The following NUP205 variants were observed in gnomAD, a reference collection of about 807,000 sequenced individuals.
The protein encoded by NUP205 is nuclear pore complex protein Nup205.
In NUP205, 76 loss-of-function variants were observed where a neutral mutation model predicts 253.8. That is an observed-to-expected ratio of 0.30 (90% CI 0.25 to 0.36). NUP205 has a LOEUF of 0.36. Among genes scored for constraint, NUP205 ranks in the 10% least tolerant of loss-of-function variants. NUP205 has a pLI of 1.00. For synonymous variants in NUP205, 832 were observed against 850.1 expected (o/e 0.98, Z 0.37); for missense variants, 2,162 against 2,425.5 (o/e 0.89, Z 2.28).
Position 135,627,995 on chromosome 7 carries a change from C to T in NUP205, c.4816C>T (p.Pro1606Ser). Residue 1606 changes from proline (P) to serine (S), a missense_variant, in exon 34 of 43, where the codon CCA becomes TCA. Around this residue, in one of 5 missense-constraint regions of NUP205, gnomAD observed 1,144 missense variants for 1,280.9 expected, o/e 0.89. Transcript: ENST00000285968. ...AAGCATGTTTGGCATGAGAGACCCT[C>T]CAATGTTCATCCCTACCCCAGTGGA... ...PQSMFGMRDP[P>S]MFIPTPVDRY... 6.2e-7 allele frequency: 1 copy of T among 1,612,386 alleles called. No homozygotes were observed. Among genetic ancestry groups the T allele is most frequent in the East Asian group, 2.2e-5 (1 of 44,840 alleles).
At chr7:135,616,092 G>C in intron 24 of NUP205, 27 bp downstream of exon 24, 1 of 1,594,038 alleles carries the variant, frequency 6.3e-7, no homozygotes, top group Admixed American at 1.7e-5. Flanking sequence ...GTTTTATTGT[G>C]CTGGTGACTA....
chr7:135,622,591 G>GT (rs1794497142), intron 30 of NUP205, among the ~76,000 whole-genome samples, 186 bp from the exon 31 acceptor site: 1 of 151,868 alleles, frequency 6.6e-6, no homozygotes, highest in South Asian at 2.1e-4. Flanking sequence ...GGTGCATTGT[G>GT]TTATTAGAGT....
At chr7:135,647,380 C>CA (rs1229277760) in intron 42 of NUP205, among the ~76,000 whole-genome samples, 1 of 152,252 alleles carries the variant, frequency 6.6e-6, no homozygotes, top group African/African-American at 2.4e-5. Flanking sequence ...ACCACGCTCC[C>CA]ATCCCAATCC....
chr7:135,558,358 G>C, intron 1 of NUP205: 1 of 273,776 alleles, frequency 3.7e-6, no homozygotes, highest in Admixed American at 4.4e-5. Flanking sequence ...TTCCAGCCAT[G>C]AGCAGAGGCT....
At chr7:135,606,682 G>C in intron 20 of NUP205, 69 bp from the exon 21 acceptor site, 2 of 1,242,592 alleles carry the variant, frequency 1.6e-6, no homozygotes, top group Non-Finnish European at 2.3e-6. Flanking sequence ...TACAAGTTTT[G>C]TATTTTTTAT....
chr7:135,645,662 G>GT (rs148753323), intron 41 of NUP205, 66 bp downstream of exon 41: 861 of 1,475,228 alleles, frequency 5.8e-4, no homozygotes, highest in Non-Finnish European at 6.3e-4. Flanking sequence ...GCTAGTACCA[G>GT]TTTTTTTTTA....
intron 28 of NUP205, 95 bp from the exon 29 acceptor site, chr7:135,619,328 C>T (rs531861901): frequency 9.8e-5 from 128 of 1,309,608 alleles, no homozygotes; most frequent in East Asian, 1.4e-4. Context: ...GGTGACAGAG[C>T]GAGACCCTGT....
Position 135,630,492 on chromosome 7 carries a change from G to C in NUP205, c.5059+22G>C, listed in dbSNP as rs750752737. 8 of 1,570,582 alleles carry C rather than the reference G, an allele frequency of 5.1e-6. No individual in the cohort carries two copies. In the Admixed American group the frequency reaches 1.6e-4, roughly 31 times the overall value. On this transcript the variant is annotated intron_variant, in intron 35 of 42. Transcript: ENST00000285968. ...CCTGGTGAGTTGATTATGTTGAAAG[G>C]ATTTTTAATAATTCTTTAAAGACTG...
chr7:135,560,558 G>A (rs890646286), intron 1 of NUP205, among the ~76,000 whole-genome samples: 3 of 152,190 alleles, frequency 2.0e-5, no homozygotes, highest in Non-Finnish European at 4.4e-5. Flanking sequence ...TAAAGGAAAT[G>A]TGTCATATAC....
At chr7:135,572,911 G>C (rs904600799) in intron 2 of NUP205, among the ~76,000 whole-genome samples, 4 of 149,284 alleles carry the variant, frequency 2.7e-5, no homozygotes, top group Non-Finnish European at 6.0e-5. Context: ...TTATAGGATT[G>C]TGTTACCAGA....
chr7:135,592,412 C>T (rs897308145), intron 11 of NUP205, among the ~76,000 whole-genome samples: 7 of 152,184 alleles, frequency 4.6e-5, no homozygotes, highest in Non-Finnish European at 7.4e-5. Flanking sequence ...AGTAGGTAAC[C>T]GACATCCAAA....
At chr7:135,582,748 C>T (rs560438204) in intron 7 of NUP205, among the ~76,000 whole-genome samples, 1 of 151,976 alleles carries the variant, frequency 6.6e-6, no homozygotes, top group South Asian at 2.1e-4. Context: ...GCATGAGCCA[C>T]CACACCTGGC....
chr7:135,558,702 A>T lies in NUP205; in HGVS notation c.28+730A>T, dbSNP rs1219669658. 3.9e-5 allele frequency among the ~76,000 whole-genome samples: 6 copies of T among 152,194 alleles called. No homozygotes were observed. The South Asian group carries it at 8.3e-4, about 21-fold the overall frequency. ...TTGATTGTCATATTTCCTGGGGTACACTGCTGTCGCATAGTAGGCGGGGCA... is the reference window on the plus strand; with the variant it reads ...TTGATTGTCATATTTCCTGGGGTACTCTGCTGTCGCATAGTAGGCGGGGCA... On this transcript the variant is annotated intron_variant, in intron 1 of 42. Transcript: ENST00000285968.
Position 135,622,913 on chromosome 7 carries a change from T to C in NUP205, c.4467T>C (p.His1489=). ...EVVCRDACDG[H]EIGRMLALAL... ...TCTGTCGAGATGCTTGTGATGGTCA[T>C]GAGATTGGAAGGGTAAAGCAACTCT... Residue 1489 remains histidine, a synonymous_variant, in exon 31 of 43, where the codon CAT becomes CAC. Transcript: ENST00000285968. 1 of 1,613,988 alleles carries C rather than the reference T, an allele frequency of 6.2e-7. No homozygotes were observed. The highest frequency in any genetic ancestry group is 8.5e-7 in the Non-Finnish European group (1 of 1,179,882).
intron 23 of NUP205, among the ~76,000 whole-genome samples, chr7:135,615,048 A>G (rs1458912574): frequency 6.6e-6 from 1 of 152,148 alleles, no homozygotes; most frequent in Admixed American, 6.5e-5. Flanking sequence ...TCTTATTTTT[A>G]GTTCTGGGAT....
In NUP205 at chr7:135,619,660, A is replaced by G. The variant is rs112801148; in HGVS notation, c.4201A>G (p.Lys1401Glu). 1 of 1,614,018 alleles carries G rather than the reference A, an allele frequency of 6.2e-7. No homozygotes were observed. Among genetic ancestry groups the G allele is most frequent in the Non-Finnish European group, 8.5e-7 (1 of 1,179,924 alleles). Residue 1401 changes from lysine (K) to glutamate (E), a missense_variant, in exon 29 of 43, where the codon AAG becomes GAG. Physicochemically the swap from Lys to Glu is moderately conservative, Grantham distance 56 (BLOSUM62 1). Coordinates refer to ENST00000285968, the MANE Select transcript of NUP205 (RefSeq NM_015135.3). ...AGATTCTTCACTTTACATCATATTG[A>G]AGAAACTGTTAGACTTCATTTTGAA... ...IGDSSLYIIL[K>E]KLLDFILKTG...
At chr7:135,564,476 C>T (rs1805690698) in intron 1 of NUP205, among the ~76,000 whole-genome samples, 1 of 151,700 alleles carries the variant, frequency 6.6e-6, no homozygotes, top group South Asian at 2.1e-4. Context: ...GTCTTGAACT[C>T]CTGACCTTGT....
intron 8 of NUP205, 138 bp downstream of exon 8, chr7:135,585,145 T>C (rs987381365): frequency 1.6e-6 from 1 of 618,814 alleles, no homozygotes; most frequent in African/African-American, 1.8e-5. Flanking sequence ...CTGTATTACA[T>C]CTTGTGAATC....
chr7:135,576,301 T>C lies in NUP205; in HGVS notation c.375T>C (p.Leu125=). 1.2e-6 allele frequency: 2 copies of C among 1,613,684 alleles called. No individual in the cohort carries two copies. The highest frequency in any genetic ancestry group is 3.3e-5 in the Admixed American group (2 of 59,962). ...ATCAACAGCCACATTTTCCTGGCCT[T>C]ACCAGAGGATTAGTAGCTGTTCTTC... ...GEHQQPHFPG[L]TRGLVAVLLY... The change falls in exon 4 of 43, where the codon CTT becomes CTC. Residue 125 remains leucine, a synonymous_variant. Coordinates refer to ENST00000285968, the MANE Select transcript of NUP205 (RefSeq NM_015135.3).
Sources: allele counts gnomAD v4.1 joint callset (sites outside exome capture counted in the v4.1 genomes callset), GRCh38; gene constraint gnomAD v4.1.1; regional missense constraint gnomAD v4.1.1; transcripts MANE v1.5; gene names NCBI Gene and HGNC (gene_info 2026-07-23, HGNC 2026-07-21).